PGM5: variants seen among roughly 807,000 people sequenced by gnomAD.
The protein encoded by PGM5 is phosphoglucomutase 5, also known as phosphoglucomutase-like protein 5.
PGM5 carries 23 observed loss-of-function variants against 59.2 expected under a neutral mutation model. The ratio of observed to expected loss-of-function variants is 0.39; its 90% CI spans 0.28 to 0.55. The LOEUF is 0.55. PGM5 is among the 20% of genes least tolerant of loss of function. PGM5 has a pLI of 0.66. For synonymous variants in PGM5, 214 were observed against 286.0 expected (o/e 0.75, Z 2.54); for missense variants, 574 against 748.3 (o/e 0.77, Z 2.72).
chr9:68,378,417 A>G lies in PGM5; in HGVS notation c.424+56A>G, dbSNP rs1372675150. The G allele has an allele frequency of 8.0e-6, 12 of 1,501,404 alleles. No individual in the cohort carries two copies. In the East Asian group the frequency reaches 1.2e-4, roughly 15 times the overall value. The allele number at this position is 1,501,404 out of a possible 1,614,324, so 93.0% of individuals were successfully genotyped here. A position where few individuals can be genotyped will look rare whatever the true frequency, so the allele number is the denominator to read the frequency against. ...ACGATTTCTTTCCTCTTATATTATT[A>G]TAGTCTCACAGTGACTCTTTGATGA... On this transcript the variant is annotated intron_variant, in intron 2 of 10. Transcript: ENST00000396396.
At chr9:68,460,083 C>A (rs1823834918) in intron 6 of PGM5, among the ~76,000 whole-genome samples, 4 of 152,152 alleles carry the variant, frequency 2.6e-5, no homozygotes, top group Admixed American at 2.6e-4. Context: ...AGACCTGGAT[C>A]TTGTGCTCTT....
chr9:68,438,901 T>G (rs1223407142), intron 6 of PGM5, among the ~76,000 whole-genome samples: 3 of 152,142 alleles, frequency 2.0e-5, no homozygotes, highest in African/African-American at 7.2e-5. Context: ...TTCTTTACTC[T>G]CTGTGCCATA....
At chr9:68,435,807 T>TTA (rs1229497707) in intron 6 of PGM5, among the ~76,000 whole-genome samples, 4 of 152,184 alleles carry the variant, frequency 2.6e-5, no homozygotes, top group Non-Finnish European at 4.4e-5. Flanking sequence ...GCTGAGTTGC[T>TTA]TATATATATT....
At chr9:68,464,012 T>G (rs1823895822) in intron 6 of PGM5, among the ~76,000 whole-genome samples, 1 of 152,212 alleles carries the variant, frequency 6.6e-6, no homozygotes, top group Admixed American at 6.5e-5. Context: ...AGATCCTGTC[T>G]GGGTTATATT....
intron 6 of PGM5, chr9:68,395,708 G>A (rs1822482323): frequency 6.6e-6 from 1 of 152,196 alleles, no homozygotes; most frequent in East Asian, 1.9e-4. Flanking sequence ...TATTATGAAT[G>A]TTTTATGAAT....
chr9:68,493,223 A>T (rs1554687993), intron 9 of PGM5, among the ~76,000 whole-genome samples: 2 of 152,210 alleles, frequency 1.3e-5, no homozygotes, highest in African/African-American at 4.8e-5. Flanking sequence ...CTCTGTGTGT[A>T]TTTAGCAACT....
chr9:68,438,923 A>T (rs1823483195), intron 6 of PGM5, among the ~76,000 whole-genome samples: 1 of 152,036 alleles, frequency 6.6e-6, no homozygotes, highest in Non-Finnish European at 1.5e-5. Context: ...CTCCCAAACA[A>T]TCCAAGATGG....
intron 10 of PGM5, among the ~76,000 whole-genome samples, chr9:68,511,122 A>C (rs1401748947): frequency 6.6e-6 from 1 of 152,226 alleles, no homozygotes; most frequent in Non-Finnish European, 1.5e-5. Flanking sequence ...GATTCTCTAC[A>C]GAAGGCCGAT....
chr9:68,431,797 CTG>C (rs1397947019), intron 6 of PGM5, among the ~76,000 whole-genome samples: 3 of 151,844 alleles, frequency 2.0e-5, no homozygotes, highest in African/African-American at 7.3e-5. Flanking sequence ...AGGGAGCTGT[CTG>C]AGAGGGGATT....
chr9:68,466,927 C>T (rs1295205495), intron 7 of PGM5, among the ~76,000 whole-genome samples: 1 of 152,160 alleles, frequency 6.6e-6, no homozygotes, highest in Non-Finnish European at 1.5e-5. Flanking sequence ...CCTACCCTCT[C>T]CCCAGAGGCA....
chr9:68,360,728 T>A (rs1359914775), intron 1 of PGM5, among the ~76,000 whole-genome samples: 2 of 152,234 alleles, frequency 1.3e-5, no homozygotes, highest in Admixed American at 1.3e-4. Context: ...GTGTCATGAT[T>A]ATTTTTTGCT....
chr9:68,383,325 TTG>T (rs1438621866), intron 2 of PGM5, among the ~76,000 whole-genome samples: 3 of 152,144 alleles, frequency 2.0e-5, no homozygotes, highest in African/African-American at 4.8e-5. Context: ...GAAATTCACA[TTG>T]TGTTTTATTT....
chr9:68,427,138 C>A (rs1392286379), intron 6 of PGM5, among the ~76,000 whole-genome samples: 1 of 152,204 alleles, frequency 6.6e-6, no homozygotes, highest in Non-Finnish European at 1.5e-5. Context: ...ATCAGCCTAG[C>A]AAGCAGAGCC....
intron 1 of PGM5, among the ~76,000 whole-genome samples, chr9:68,367,590 G>A (rs1554676802): frequency 2.0e-5 from 3 of 152,164 alleles, no homozygotes; most frequent in African/African-American, 7.2e-5. Context: ...TTTTGGACAG[G>A]ATCTCCCAAA....
chr9:68,477,932 A>T (rs993202289), intron 7 of PGM5, among the ~76,000 whole-genome samples: 1 of 152,232 alleles, frequency 6.6e-6, no homozygotes, highest in African/African-American at 2.4e-5. Context: ...GATTAAGTTG[A>T]TACAACAACA....
intron 6 of PGM5, among the ~76,000 whole-genome samples, chr9:68,438,680 A>G (rs1448897618): frequency 6.6e-6 from 1 of 152,222 alleles, no homozygotes; most frequent in East Asian, 1.9e-4. Context: ...TTAAGACACC[A>G]GTGAACTGAT....
chr9:68,513,121 G>A (rs1211282875), intron 10 of PGM5, among the ~76,000 whole-genome samples: 1 of 152,182 alleles, frequency 6.6e-6, no homozygotes, highest in Non-Finnish European at 1.5e-5. Flanking sequence ...ATCAACATGA[G>A]TTTGGGTAAA....
chr9:68,376,259 A>T (rs1821879135), intron 1 of PGM5, among the ~76,000 whole-genome samples: 2 of 152,276 alleles, frequency 1.3e-5, no homozygotes. Context: ...AATAAAATCT[A>T]AGCTCCCTTA....
chr9:68,491,347 G>A (rs1554687848), intron 9 of PGM5, among the ~76,000 whole-genome samples: 1 of 152,196 alleles, frequency 6.6e-6, no homozygotes, highest in African/African-American at 2.4e-5. Context: ...ATGGGTAGAA[G>A]GCAGCCCAGG....
Sources: allele counts gnomAD v4.1 joint callset (sites outside exome capture counted in the v4.1 genomes callset), GRCh38; gene constraint gnomAD v4.1.1; transcripts MANE v1.5; gene names NCBI Gene and HGNC (gene_info 2026-07-23, HGNC 2026-07-21).